DAB1: variants seen among roughly 807,000 people sequenced by gnomAD.
DAB1 encodes the protein disabled homolog 1.
A neutral mutation model predicts 64.6 loss-of-function variants in DAB1; 15 were observed. The observed-to-expected ratio is 0.23, with a 90% CI of 0.16 to 0.36. The LOEUF is 0.36. DAB1 is among the 10% of genes least tolerant of loss of function. DAB1 has a pLI of 1.00. For missense variants in DAB1, 596 were observed against 706.7 expected, an observed-to-expected ratio of 0.84 and a Z score of 1.78; for synonymous variants, 235 against 251.9, an observed-to-expected ratio of 0.93 and a Z score of 0.64.
chr1:57,622,384 AATCCAGGCTGCACT>A (rs1645870626), intron 7 of DAB1, among the ~76,000 whole-genome samples: 1 of 152,206 alleles, frequency 6.6e-6, no homozygotes. Context: ...TATGGGTTTG[AATCCAGGCTGCACT>A]ATTAGCTGTA....
chr1:58,254,216 G>A (rs144972562), intron 4 of DAB1, among the ~76,000 whole-genome samples: 4 of 152,228 alleles, frequency 2.6e-5, no homozygotes, highest in African/African-American at 7.2e-5. Context: ...ATAAAATGAT[G>A]TAATTTTAAT....
intron 4 of DAB1, among the ~76,000 whole-genome samples, chr1:58,261,509 A>G (rs1019139907): frequency 3.9e-5 from 6 of 152,184 alleles, no homozygotes; most frequent in Non-Finnish European, 7.3e-5. Context: ...AGAGAAGGAA[A>G]ATGGATCTGA....
intron 5 of DAB1, among the ~76,000 whole-genome samples, chr1:57,960,646 G>A (rs751922832): frequency 6.6e-6 from 1 of 152,236 alleles, no homozygotes; most frequent in African/African-American, 2.4e-5. Context: ...GGAAATGGCT[G>A]TAAGTGCTAG....
chr1:58,431,004 T>G (rs896930652), intron 3 of DAB1, among the ~76,000 whole-genome samples: 6 of 152,172 alleles, frequency 3.9e-5, no homozygotes, highest in African/African-American at 1.4e-4. Flanking sequence ...TCTCTGGGGA[T>G]CCCTGAGGTC....
rs59263518 is a variant in DAB1 at position 57,553,442 on chromosome 1, G to GAAAAAGAAAGAAAGAAAGAAAGAA, written n.625+96149_625+96150insTTCTTTCTTTCTTTCTTTCTTTTT. The stretch of plus-strand genomic sequence containing the variant: ...AGAAAGAAAGAAAGAAAGAAAGAAA[G>GAAAAAGAAAGAAAGAAAGAAAGAA]AGAAAGAAAGAAAGAAAGAGAAAGG... On this transcript the variant is annotated intron_variant and non_coding_transcript_variant, in intron 7 of 20. Transcript: ENST00000485760. Among the ~76,000 whole-genome samples, 23 of 68,192 alleles carry GAAAAAGAAAGAAAGAAAGAAAGAA rather than the reference G, an allele frequency of 3.4e-4. 2 individuals carry two copies. The highest frequency in any genetic ancestry group is 8.1e-4 in the South Asian group (1 of 1,228). 44.7% of individuals were successfully genotyped at this position (68,192 alleles called of 152,430 possible).
intron 4 of DAB1, among the ~76,000 whole-genome samples, chr1:57,077,864 C>A (rs900650089): frequency 6.6e-6 from 1 of 151,676 alleles, no homozygotes; most frequent in African/African-American, 2.4e-5. Flanking sequence ...AGAGTGTGTG[C>A]TTTCCCGAGG....
intron 1 of DAB1, among the ~76,000 whole-genome samples, chr1:57,413,307 C>G (rs1206000080): frequency 6.6e-6 from 1 of 152,206 alleles, no homozygotes; most frequent in Middle Eastern, 3.2e-3. Context: ...AACATCTACT[C>G]TGCAGCCCAT....
At chr1:58,025,133 A>C (rs934131896) in intron 5 of DAB1, among the ~76,000 whole-genome samples, 4 of 150,258 alleles carry the variant, frequency 2.7e-5, no homozygotes, top group East Asian at 3.9e-4. Context: ...ACACACACAC[A>C]CCCTACTGTT....
intron 1 of DAB1, among the ~76,000 whole-genome samples, chr1:57,854,796 T>C (rs1653681284): frequency 6.6e-6 from 1 of 152,196 alleles, no homozygotes; most frequent in African/African-American, 2.4e-5. Context: ...AAGGCGGTTA[T>C]GATGCCAGAG....
At chr1:57,335,276 C>T (rs1676990832) in intron 1 of DAB1, among the ~76,000 whole-genome samples, 1 of 151,646 alleles carries the variant, frequency 6.6e-6, no homozygotes, top group Admixed American at 6.6e-5. Context: ...ACATTTGACC[C>T]AAAATGGGAC....
At chr1:58,168,166 A>G (rs1655965844) in intron 4 of DAB1, among the ~76,000 whole-genome samples, 1 of 152,202 alleles carries the variant, frequency 6.6e-6, no homozygotes, top group South Asian at 2.1e-4. Context: ...AGACATGGGT[A>G]ACAGGCTTTC....
At chr1:57,085,538 T>C (rs988324858) in intron 4 of DAB1, among the ~76,000 whole-genome samples, 3 of 152,244 alleles carry the variant, frequency 2.0e-5, no homozygotes, top group African/African-American at 7.2e-5. Context: ...TGCAAAGCAC[T>C]GGCAAGGCCC....
chr1:58,297,703 G>T (rs1320620143), intron 4 of DAB1, among the ~76,000 whole-genome samples: 2 of 152,208 alleles, frequency 1.3e-5, no homozygotes, highest in Non-Finnish European at 2.9e-5. Flanking sequence ...TGGTGAAGAA[G>T]AAAGTAAATC....
At chr1:57,261,852 A>T (rs1337347933) in intron 2 of DAB1, among the ~76,000 whole-genome samples, 1 of 152,230 alleles carries the variant, frequency 6.6e-6, no homozygotes, top group Non-Finnish European at 1.5e-5. Context: ...CTTTTCCAAG[A>T]TGAAGTGCGG....
intron 5 of DAB1, among the ~76,000 whole-genome samples, chr1:57,997,524 A>G (rs1237297124): frequency 6.6e-6 from 1 of 152,100 alleles, no homozygotes; most frequent in Non-Finnish European, 1.5e-5. Flanking sequence ...CCTCAGTTGA[A>G]TTCCTTCTTC....
At chr1:57,560,984 C>G (rs1178420681) in intron 7 of DAB1, among the ~76,000 whole-genome samples, 4 of 152,184 alleles carry the variant, frequency 2.6e-5, no homozygotes, top group African/African-American at 9.7e-5. Flanking sequence ...TCTGACCCAT[C>G]TAGCCATAAA....
chr1:58,239,964 A>G (rs644734), intron 4 of DAB1, among the ~76,000 whole-genome samples: 86,055 of 151,964 alleles, frequency 0.57, 25,235 homozygotes, highest in Non-Finnish European at 0.67. Context: ...AAGAAGAGAA[A>G]CATTAAATGT....
At chr1:57,804,646 G>A (rs1334938124) in intron 6 of DAB1, among the ~76,000 whole-genome samples, 3 of 152,142 alleles carry the variant, frequency 2.0e-5, no homozygotes, top group Non-Finnish European at 4.4e-5. Flanking sequence ...GCAGGTTTTG[G>A]TGCATAGGTT....
chr1:57,232,797 C>T (rs1337873318), intron 2 of DAB1, among the ~76,000 whole-genome samples: 2 of 152,140 alleles, frequency 1.3e-5, no homozygotes, highest in African/African-American at 2.4e-5. Flanking sequence ...ACCTCAATTC[C>T]ATTGTCAGCA....
Sources: gnomAD v4.1 joint callset for allele counts (sites outside exome capture counted in the v4.1 genomes callset) on GRCh38, gnomAD v4.1.1 for gene constraint, MANE v1.5 for transcripts, NCBI Gene and HGNC (gene_info 2026-07-23, HGNC 2026-07-21) for gene names.